DCAF13: variants seen among roughly 807,000 people sequenced by gnomAD.
DCAF13 encodes the protein DDB1- and CUL4-associated factor 13.
Under a neutral mutation model 59.0 loss-of-function variants are expected in DCAF13, and 38 were observed. That is an observed-to-expected ratio of 0.64 (90% confidence interval 0.50 to 0.84). DCAF13 has a LOEUF of 0.84. Among genes scored for constraint, DCAF13 ranks in the 40% least tolerant of loss-of-function variants. The pLI, the probability that DCAF13 is intolerant of heterozygous loss-of-function variation, is 0.00. For missense variants in DCAF13, 469 were observed against 558.4 expected, an observed-to-expected ratio of 0.84 and a Z score of 1.61; for synonymous variants, 173 against 175.0, an observed-to-expected ratio of 0.99 and a Z score of 0.09.
rs1445479374 is a variant in DCAF13, at chr8:103,440,342, ATTTACT to A, written c.1086+76_1086+81del. On this transcript the variant is annotated intron_variant, in intron 9 of 10. Coordinates refer to ENST00000612750, the MANE Select transcript of DCAF13 (RefSeq NM_015420.7). ...TTTTATTAGATATTACATTATGAAA[ATTTACT>A]TTTAGGTATTTTTGGGTATTTTGAT... The A allele has an allele frequency of 6.6e-6, 9 of 1,368,700 alleles. No individual in the cohort carries two copies. In the African/African-American group the frequency reaches 7.5e-5, roughly 11 times the overall value. The allele number at this position is 1,368,700 out of a possible 1,614,324, so 84.8% of individuals were successfully genotyped here. A position where few individuals can be genotyped will look rare whatever the true frequency, so the allele number is the denominator to read the frequency against.
intron 3 of DCAF13, among the ~76,000 whole-genome samples, chr8:103,424,785 C>G (rs529678919): frequency 6.6e-6 from 1 of 152,258 alleles, no homozygotes; most frequent in South Asian, 2.1e-4. Flanking sequence ...CTCTTTGGGT[C>G]AAGCCAGATC....
chr8:103,426,463 G>A (rs1167829047), intron 4 of DCAF13, among the ~76,000 whole-genome samples: 1 of 151,824 alleles, frequency 6.6e-6, no homozygotes, highest in Non-Finnish European at 1.5e-5. Flanking sequence ...GCTTCAGCTT[G>A]TCTAGTTGAT....
intron 8 of DCAF13, among the ~76,000 whole-genome samples, chr8:103,439,070 C>T (rs544686138): frequency 2.0e-4 from 31 of 152,210 alleles, no homozygotes; most frequent in Admixed American, 1.6e-3. Context: ...TGCAGTAGCA[C>T]GATCTCGGCT....
In DCAF13 at chr8:103,438,736, G is replaced by A. The variant is rs1178652831; in HGVS notation, c.951-1400G>A. On this transcript the variant is annotated intron_variant, in intron 8 of 10. Transcript: ENST00000612750. The stretch of plus-strand genomic sequence containing the variant: ...TTTATAGATATGAATATTTGATTTA[G>A]TCATTCTGTTTGAGTTTTATTTTAC... Among the ~76,000 whole-genome samples, 3 of 152,188 alleles carry A rather than the reference G, an allele frequency of 2.0e-5. No individual in the cohort carries two copies. The East Asian group carries it at 5.8e-4, about 29-fold the overall frequency.
chr8:103,442,648 T>C (rs1332525384), intron 10 of DCAF13, 147 bp from the exon 11 acceptor site: 8 of 517,916 alleles, frequency 1.5e-5, no homozygotes, highest in Non-Finnish European at 2.4e-5. Context: ...TTCTTGGTAC[T>C]AGCTTCCTTT....
chr8:103,430,583 G>T (rs765059789), intron 5 of DCAF13, 29 bp from the exon 6 acceptor site: 1 of 1,557,602 alleles, frequency 6.4e-7, no homozygotes, highest in Non-Finnish European at 8.8e-7. Context: ...GTCTGGCTTT[G>T]AACTGGTGAT....
chr8:103,442,851 A>T lies in DCAF13; in HGVS notation c.1307A>T (p.Lys436Met), dbSNP rs774558109. Residue 436 changes from lysine to methionine, a missense_variant, in exon 11 of 11, where the codon AAG (lysine) becomes ATG (methionine). Coordinates refer to ENST00000612750, the MANE Select transcript of DCAF13 (RefSeq NM_015420.7). ...KPGSVPLVSEKKKHVVAVVK is the reference protein window; with the variant it reads ...KPGSVPLVSEMKKHVVAVVK ...GGATCTGTGCCACTTGTGTCAGAGA[A>T]GAAGAAACACGTAGTGGCAGTTGTA... 6.2e-7 allele frequency: 1 copy of T among 1,608,712 alleles called. No homozygotes were observed. The highest frequency in any genetic ancestry group is 8.5e-7 in the Non-Finnish European group (1 of 1,178,420).
chr8:103,419,006 C>G (rs1234409101), intron 1 of DCAF13, among the ~76,000 whole-genome samples: 1 of 148,320 alleles, frequency 6.7e-6, no homozygotes, highest in African/African-American at 2.5e-5. Flanking sequence ...GCCTCAGCCT[C>G]CTGAGTAGCT....
intron 2 of DCAF13, 95 bp downstream of exon 2, chr8:103,420,558 G>A: frequency 7.6e-7 from 1 of 1,313,152 alleles, no homozygotes; most frequent in Non-Finnish European, 1.0e-6. Flanking sequence ...TTACTTTATT[G>A]GATTTCAATT....
chr8:103,422,043 G>C (rs546600701), intron 3 of DCAF13, among the ~76,000 whole-genome samples: 1 of 152,170 alleles, frequency 6.6e-6, no homozygotes, highest in Non-Finnish European at 1.5e-5. Context: ...CAGTTTGAAG[G>C]CCATTTTAAT....
chr8:103,442,695 G>T (rs1014575354), intron 10 of DCAF13, 100 bp from the exon 11 acceptor site: 4 of 674,346 alleles, frequency 5.9e-6, no homozygotes, highest in Non-Finnish European at 7.2e-6. Context: ...TTTTAAATAG[G>T]TGTTTTTCTA....
chr8:103,432,811 T>A, intron 7 of DCAF13, 70 bp downstream of exon 7: 1 of 933,002 alleles, frequency 1.1e-6, no homozygotes, highest in Non-Finnish European at 1.7e-6. Context: ...GTCGTACTAA[T>A]AAAATATATA....
chr8:103,426,063 A>G lies in DCAF13; in HGVS notation c.386A>G (p.Asp129Gly), dbSNP rs769462302. The change falls in exon 4 of 11, where the codon GAT becomes GGT. Residue 129 changes from aspartate to glycine, a missense_variant. Physicochemically the swap from Asp to Gly is moderately conservative, Grantham distance 94. Coordinates refer to ENST00000612750, the MANE Select transcript of DCAF13 (RefSeq NM_015420.7). Reference protein sequence around the residue: ...FCGTSFFTVGDDKTVKQWKMD... With the variant: ...FCGTSFFTVGGDKTVKQWKMD... ...TAAAACAAATATTTCTAGGTTGGTG[A>G]TGACAAAACTGTGAAGCAGTGGAAA... 3 of 1,611,566 alleles carry G rather than the reference A, an allele frequency of 1.9e-6. No homozygotes were observed. The highest frequency in any genetic ancestry group is 2.2e-5 in the East Asian group (1 of 44,764).
intron 8 of DCAF13, among the ~76,000 whole-genome samples, chr8:103,436,364 G>A (rs1470305504): frequency 2.0e-5 from 3 of 152,054 alleles, no homozygotes; most frequent in Non-Finnish European, 2.9e-5. Context: ...TGTCAAGACC[G>A]TTCTCCCTCT....
intron 1 of DCAF13, among the ~76,000 whole-genome samples, 197 bp from the exon 2 acceptor site, chr8:103,420,067 A>G (rs1816701408): frequency 1.3e-5 from 2 of 151,960 alleles, no homozygotes; most frequent in South Asian, 2.1e-4. Flanking sequence ...ATTGTTTTGC[A>G]AGATGTATGC....
At position 103,420,463 on chromosome 8, in the gene DCAF13, G is replaced by A. The variant is rs1347577892; in HGVS notation, c.270G>A (p.Glu90=). 6.2e-7 allele frequency: 1 copy of A among 1,612,400 alleles called. No homozygotes were observed. The highest frequency in any genetic ancestry group is 1.7e-5 in the Admixed American group (1 of 59,800). ...TCCTTTCTGGGGCGTGTGATGGAGA[G>A]GCAAGTGTCAATCTAGATGATATTT... The part of the protein sequence containing the change: ...ATVLSGACDG[E]VRIWNLTQRN... The change falls in exon 2 of 11, where the codon GAG becomes GAA. Residue 90 remains glutamate (E), a splice_region_variant and synonymous_variant. Transcript: ENST00000612750.
chr8:103,421,297 C>A, intron 3 of DCAF13: 1 of 642,992 alleles, frequency 1.6e-6, no homozygotes, highest in South Asian at 1.6e-5. Context: ...TTCAATTTAC[C>A]ACAAAAGTGG....
intron 4 of DCAF13, 146 bp from the exon 5 acceptor site, chr8:103,426,951 C>T: frequency 1.8e-6 from 1 of 550,542 alleles, no homozygotes; most frequent in South Asian, 3.8e-5. Context: ...GTATTGTTTC[C>T]CCCTTTAAGT....
chr8:103,418,862 ATATATTTTTTTTTTTTTTTTTTTTT>A lies in DCAF13; in HGVS notation c.71-1400_71-1376del, dbSNP rs1274464968. 3.4e-3 allele frequency among the ~76,000 whole-genome samples: 72 copies of A among 21,252 alleles called. 3 individuals carry two copies. The highest frequency in any genetic ancestry group is 6.0e-3 in the Admixed American group (8 of 1,336). 13.9% of individuals were successfully genotyped at this position (21,252 alleles called of 152,430 possible). A position where few individuals can be genotyped will look rare whatever the true frequency, so the allele number is the denominator to read the frequency against. On this transcript the variant is annotated intron_variant, in intron 1 of 10. Coordinates refer to ENST00000612750, the MANE Select transcript of DCAF13 (RefSeq NM_015420.7). ...TATATATATATATATATATATATAT[ATATATTTTTTTTTTTTTTTTTTTTT>A]TTTTTTTTTTTTTTGAGATGAAGTC...
Sources: allele counts gnomAD v4.1 joint callset (sites outside exome capture counted in the v4.1 genomes callset), GRCh38; gene constraint gnomAD v4.1.1; transcripts MANE v1.5; gene names NCBI Gene and HGNC (gene_info 2026-07-23, HGNC 2026-07-21).